Variants in SIPA1L1 observed in about 807,000 individuals in gnomAD.
SIPA1L1 encodes signal-induced proliferation-associated 1-like protein 1.
A neutral mutation model predicts 162.7 loss-of-function variants in SIPA1L1; 26 were observed. The observed-to-expected ratio is 0.16, with a 90% confidence interval of 0.12 to 0.22. The LOEUF (loss-of-function observed/expected upper bound fraction) is 0.22, where lower values mean the gene tolerates loss of function less well. Among genes scored for constraint, SIPA1L1 ranks in the 10% least tolerant of loss-of-function variants. The pLI, the probability that SIPA1L1 is intolerant of heterozygous loss-of-function variation, is 1.00. For synonymous variants in SIPA1L1, 829 were observed against 837.4 expected, an observed-to-expected ratio of 0.99 and a Z score of 0.17; for missense variants, 1,874 against 2,241.0, an observed-to-expected ratio of 0.84 and a Z score of 3.31.
At position 71,739,560 on chromosome 14, in the gene SIPA1L1, T is replaced by C. The variant is rs890030775; in HGVS notation, c.*399T>C. ...TAACCCAAGCTTTCCCTTGTTATTC[T>C]AACAAATATCATTATTCCTAGAAAA... is the stretch of plus-strand genomic sequence containing the variant. On this transcript the variant is annotated 3_prime_UTR_variant, in exon 24 of 24. Transcript: ENST00000381232. The C allele has an allele frequency of 6.5e-6, 1 of 153,070 alleles. No individual in the cohort carries two copies. The highest frequency in any genetic ancestry group is 2.4e-5 in the African/African-American group (1 of 41,512). 9.5% of individuals were successfully genotyped at this position (153,070 alleles called of 1,614,324 possible). A position where few individuals can be genotyped will look rare whatever the true frequency, so the allele number is the denominator to read the frequency against.
intron 20 of SIPA1L1, among the ~76,000 whole-genome samples, chr14:71,732,052 AC>A: frequency 6.6e-6 from 1 of 152,064 alleles, no homozygotes; most frequent in Non-Finnish European, 1.5e-5. Flanking sequence ...CCTCCTACTT[AC>A]CCTTGGTAGG....
intron 4 of SIPA1L1, among the ~76,000 whole-genome samples, chr14:71,587,157 C>G (rs940828970): frequency 3.9e-5 from 6 of 152,118 alleles, no homozygotes; most frequent in African/African-American, 1.4e-4. Flanking sequence ...TCAAAAAACT[C>G]TGTTGCTCTA....
chr14:71,401,649 A>G (rs971905426), intron 2 of SIPA1L1, among the ~76,000 whole-genome samples: 3 of 152,112 alleles, frequency 2.0e-5, no homozygotes, highest in Admixed American at 1.3e-4. Flanking sequence ...ATTTAACCCA[A>G]TATTTTTTAG....
rs201713443 is a variant in SIPA1L1 at position 71,603,188 on chromosome 14, A to G, written c.1498+13818A>G. Among the ~76,000 whole-genome samples, 13 of 152,080 alleles carry G rather than the reference A, an allele frequency of 8.5e-5. No homozygotes were observed. The East Asian group carries it at 2.5e-3, about 29-fold the overall frequency. On this transcript the variant is annotated intron_variant, in intron 5 of 23. Transcript: ENST00000381232. ...CTGCTCACTTTTGGTTTCCATTTCC[A>G]TGGAATACCTTTTTTATCCTATTAC...
chr14:71,608,259 C>T (rs774784210), intron 5 of SIPA1L1, among the ~76,000 whole-genome samples: 3 of 152,146 alleles, frequency 2.0e-5, no homozygotes, highest in Non-Finnish European at 2.9e-5. Flanking sequence ...CTGCATGGTC[C>T]CTGTCCTTGT....
At chr14:71,529,838 G>A (rs530957362) in intron 4 of SIPA1L1, among the ~76,000 whole-genome samples, 6 of 152,210 alleles carry the variant, frequency 3.9e-5, no homozygotes, top group Non-Finnish European at 5.9e-5. Context: ...ACCCAGCGTG[G>A]CTCCAATGTG....
At chr14:71,418,018 A>G (rs1380733634) in intron 2 of SIPA1L1, 1 of 152,218 alleles carries the variant, frequency 6.6e-6, no homozygotes, top group Non-Finnish European at 1.5e-5. Flanking sequence ...CATTTTTATC[A>G]GCCAGTAGAA....
intron 4 of SIPA1L1, among the ~76,000 whole-genome samples, chr14:71,543,151 C>T (rs1293079280): frequency 6.6e-6 from 1 of 152,208 alleles, no homozygotes; most frequent in African/African-American, 2.4e-5. Flanking sequence ...CATTCTCTCT[C>T]TTCTTGCTTC....
At chr14:71,729,234 C>A (rs191706488) in intron 19 of SIPA1L1, among the ~76,000 whole-genome samples, 1 of 152,232 alleles carries the variant, frequency 6.6e-6, no homozygotes, top group Admixed American at 6.5e-5. Flanking sequence ...CGGGGTTTCA[C>A]CATGTTGGCC....
chr14:71,377,267 G>A lies in SIPA1L1; in HGVS notation c.-465+56086G>A, dbSNP rs1274974008. Among the ~76,000 whole-genome samples the A allele has an allele frequency of 1.3e-5, 2 of 151,686 alleles. No individual in the cohort carries two copies. The highest frequency in any genetic ancestry group is 2.4e-5 in the African/African-American group (1 of 41,260). ...CCCCCCACCTCCCAGACGGGGCGGC[G>A]GCCGGACGGGGGCGTTCTCCACTTC... On this transcript the variant is annotated intron_variant, in intron 2 of 23. Coordinates refer to ENST00000381232, the MANE Select transcript of SIPA1L1 (RefSeq NM_001386936.1). This position sits in a 1 kb window ranked among gnomAD's most constrained non-coding sequence, Gnocchi z 4.8.
chr14:71,661,472 G>A lies in SIPA1L1; in HGVS notation c.2255+5G>A. On this transcript the variant is annotated splice_donor_5th_base_variant and intron_variant, in intron 10 of 23. Transcript: ENST00000381232. The stretch of plus-strand genomic sequence containing the variant: ...CTCTGACAGTGTCTGTTATAGGTGT[G>A]TATGGGTGTCACAGCAGGGGCTCTG... 6.2e-7 allele frequency: 1 copy of A among 1,611,662 alleles called. No individual in the cohort carries two copies. The highest frequency in any genetic ancestry group is 8.5e-7 in the Non-Finnish European group (1 of 1,178,440).
intron 4 of SIPA1L1, among the ~76,000 whole-genome samples, chr14:71,548,618 C>T (rs1041532010): frequency 3.3e-5 from 5 of 151,806 alleles, no homozygotes; most frequent in African/African-American, 4.8e-5. Context: ...GAAATGAGGC[C>T]GGACATGGTG....
intron 3 of SIPA1L1, among the ~76,000 whole-genome samples, chr14:71,513,697 TG>T (rs1439683112): frequency 2.0e-5 from 3 of 152,172 alleles, no homozygotes; most frequent in Non-Finnish European, 4.4e-5. Flanking sequence ...CTTGCTATGT[TG>T]CCTAGGCTGG....
intron 2 of SIPA1L1, among the ~76,000 whole-genome samples, chr14:71,360,180 A>G (rs947440593): frequency 6.6e-6 from 1 of 152,240 alleles, no homozygotes; most frequent in South Asian, 2.1e-4. Flanking sequence ...TAAAGCTTAT[A>G]ATGTTCTAAA....
chr14:71,628,972 CTG>C (rs2040306361), intron 7 of SIPA1L1, among the ~76,000 whole-genome samples: 1 of 152,158 alleles, frequency 6.6e-6, no homozygotes, highest in South Asian at 2.1e-4. Context: ...GAGTCTCACT[CTG>C]TTGCCCAGGC....
intron 2 of SIPA1L1, among the ~76,000 whole-genome samples, chr14:71,383,020 T>C (rs1287109286): frequency 6.6e-6 from 1 of 152,142 alleles, no homozygotes; most frequent in East Asian, 1.9e-4. Flanking sequence ...AGTGTCTTAC[T>C]AGATGGGACT....
chr14:71,587,435 TA>T, intron 4 of SIPA1L1, 135 bp from the exon 5 acceptor site: 1 of 394,974 alleles, frequency 2.5e-6, no homozygotes, highest in East Asian at 3.6e-5. Context: ...CCTGCTTTAC[TA>T]AAAATACGGA....
At chr14:71,583,445 C>T (rs8006300) in intron 4 of SIPA1L1, among the ~76,000 whole-genome samples, 124,168 of 152,172 alleles carry the variant, frequency 0.82, 51,183 homozygotes, top group African/African-American at 0.92. Flanking sequence ...GAGAAGATCT[C>T]ATTTTGGAAT....
intron 17 of SIPA1L1, among the ~76,000 whole-genome samples, chr14:71,718,951 T>C (rs887765702): frequency 1.3e-5 from 2 of 152,094 alleles, no homozygotes; most frequent in African/African-American, 4.8e-5. Flanking sequence ...TTCTTTTTAT[T>C]TTTTTGAGAT....
Sources: allele counts gnomAD v4.1 joint callset (sites outside exome capture counted in the v4.1 genomes callset), GRCh38; gene constraint gnomAD v4.1.1; non-coding constraint Gnocchi (gnomAD v3.1); transcripts MANE v1.5; gene names NCBI Gene and HGNC (gene_info 2026-07-23, HGNC 2026-07-21).